The following VWC2 variants were observed in gnomAD, a reference collection of about 807,000 sequenced individuals.
VWC2 encodes the protein von Willebrand factor C domain containing 2.
VWC2 carries 14 observed loss-of-function variants against 29.8 expected under a neutral mutation model. The observed-to-expected ratio is 0.47, with a 90% CI of 0.31 to 0.74. The LOEUF is 0.74. Ranked by LOEUF, VWC2 falls within the 30% of genes least tolerant of loss-of-function variation. The pLI, the probability that VWC2 is intolerant of heterozygous loss-of-function variation, is 0.05. For synonymous variants in VWC2, 213 were observed against 199.0 expected (o/e 1.07, Z -0.59); for missense variants, 457 against 459.8 (o/e 0.99, Z 0.05).
At chr7:49,791,645 G>A (rs1177919289) in intron 2 of VWC2, among the ~76,000 whole-genome samples, 1 of 152,148 alleles carries the variant, frequency 6.6e-6, no homozygotes, top group Admixed American at 6.5e-5. Flanking sequence ...CCATTTTTCT[G>A]AGTGCCCCCT....
intron 3 of VWC2, among the ~76,000 whole-genome samples, chr7:49,909,784 A>G (rs1450907738): frequency 6.6e-6 from 1 of 152,172 alleles, no homozygotes; most frequent in African/African-American, 2.4e-5. Flanking sequence ...ACCTTAGGGC[A>G]GTGTCTGAAC....
At chr7:49,877,307 C>T (rs1163308483) in intron 3 of VWC2, among the ~76,000 whole-genome samples, 1 of 149,862 alleles carries the variant, frequency 6.7e-6, no homozygotes, top group African/African-American at 2.5e-5. Context: ...ACTAAAAATA[C>T]AAAAATTAGC....
At position 49,915,867 on chromosome 7, in the gene VWC2, GC is replaced by G. The variant is rs1793695188; in HGVS notation, c.*3683del. The stretch of plus-strand genomic sequence containing the variant: ...AAGCATCATTGGTAAAAACATACAT[GC>G]TTCTTTGGCCAACATAATTTGTAAC... On this transcript the variant is annotated 3_prime_UTR_variant, in exon 4 of 4. Coordinates refer to ENST00000340652, the MANE Select transcript of VWC2 (RefSeq NM_198570.5). 6.6e-6 allele frequency: 1 copy of G among 152,062 alleles called. No individual in the cohort carries two copies. The highest frequency in any genetic ancestry group is 1.5e-5 in the Non-Finnish European group (1 of 68,016). The allele number at this position is 152,062 out of a possible 1,614,324, so 9.4% of individuals were successfully genotyped here.
Position 49,877,064 on chromosome 7 carries a change from A to G in VWC2, c.827-34970A>G, listed in dbSNP as rs1402369890. On this transcript the variant is annotated intron_variant, in intron 3 of 3. Coordinates refer to ENST00000340652, the MANE Select transcript of VWC2 (RefSeq NM_198570.5). ...CTCCTCCAGATTACAGCTGATGCCC[A>G]AAGAGACTGCAAGGAAAGATGCTGT... is the stretch of plus-strand genomic sequence containing the variant. 6.6e-5 allele frequency among the ~76,000 whole-genome samples: 10 copies of G among 152,262 alleles called. No individual in the cohort carries two copies. The East Asian group carries it at 1.9e-3, about 29-fold the overall frequency.
At chr7:49,858,098 T>C (rs1035284443) in intron 3 of VWC2, among the ~76,000 whole-genome samples, 16 of 152,202 alleles carry the variant, frequency 1.1e-4, no homozygotes, top group African/African-American at 2.9e-4. Flanking sequence ...GTTGAACTAG[T>C]TTACAGTCCC....
intron 3 of VWC2, among the ~76,000 whole-genome samples, chr7:49,880,849 C>T (rs1791632160): frequency 1.3e-5 from 2 of 152,042 alleles, no homozygotes; most frequent in Admixed American, 1.3e-4. Flanking sequence ...TCATTTTTGC[C>T]TATGACATGG....
chr7:49,777,040 A>G (rs1788069912), intron 2 of VWC2, among the ~76,000 whole-genome samples: 1 of 152,230 alleles, frequency 6.6e-6, no homozygotes, highest in East Asian at 1.9e-4. Flanking sequence ...GCTGCACAGC[A>G]TGCATGCACA....
intron 2 of VWC2, among the ~76,000 whole-genome samples, chr7:49,781,112 T>A (rs1257583055): frequency 3.3e-5 from 5 of 152,216 alleles, no homozygotes; most frequent in Non-Finnish European, 7.3e-5. Context: ...AATGAGTCAA[T>A]CTGTGTTCTT....
At chr7:49,851,056 G>A (rs563785934) in intron 3 of VWC2, among the ~76,000 whole-genome samples, 1 of 152,308 alleles carries the variant, frequency 6.6e-6, no homozygotes, top group Admixed American at 6.5e-5. Context: ...GTCCCACAGA[G>A]TCAGTTTCTT....
At chr7:49,793,787 C>G (rs2128704305) in intron 2 of VWC2, among the ~76,000 whole-genome samples, 1 of 152,260 alleles carries the variant, frequency 6.6e-6, no homozygotes, top group African/African-American at 2.4e-5. Flanking sequence ...AAATGGCATG[C>G]ATTTTTTCAC....
chr7:49,808,380 G>A (rs1030701675), intron 3 of VWC2, among the ~76,000 whole-genome samples: 1 of 152,032 alleles, frequency 6.6e-6, no homozygotes, highest in Non-Finnish European at 1.5e-5. Context: ...CAAAATACAT[G>A]AAGTAAAAAT....
At chr7:49,837,183 G>T (rs1450610424) in intron 3 of VWC2, among the ~76,000 whole-genome samples, 1 of 152,136 alleles carries the variant, frequency 6.6e-6, no homozygotes, top group Non-Finnish European at 1.5e-5. Flanking sequence ...TTTAAATTAA[G>T]AATTGCAACT....
rs556669505 is a variant in VWC2 at position 49,918,369 on chromosome 7, A to G, written c.*6184A>G. 4.6e-5 allele frequency: 7 copies of G among 152,204 alleles called. No homozygotes were observed. The South Asian group carries it at 8.3e-4, about 18-fold the overall frequency. 9.4% of individuals were successfully genotyped at this position (152,204 alleles called of 1,614,324 possible). A position where few individuals can be genotyped will look rare whatever the true frequency, so the allele number is the denominator to read the frequency against. The stretch of plus-strand genomic sequence containing the variant: ...AATTTCCAAAATGGTCTTTTACCCC[A>G]CTCCCCATAAATAAGATAATGAATA... On this transcript the variant is annotated 3_prime_UTR_variant, in exon 4 of 4. Coordinates refer to ENST00000340652, the MANE Select transcript of VWC2 (RefSeq NM_198570.5).
At chr7:49,866,186 T>C (rs1231053730) in intron 3 of VWC2, among the ~76,000 whole-genome samples, 1 of 152,164 alleles carries the variant, frequency 6.6e-6, no homozygotes, top group African/African-American at 2.4e-5. Flanking sequence ...CTCACTTGCT[T>C]ATCTTATCAG....
chr7:49,852,360 C>A (rs1034420054), intron 3 of VWC2, among the ~76,000 whole-genome samples: 1 of 152,196 alleles, frequency 6.6e-6, no homozygotes, highest in African/African-American at 2.4e-5. Flanking sequence ...AGAGGCCTGG[C>A]AGGCATGAGC....
At position 49,921,867 on chromosome 7, in the gene VWC2, A is replaced by C. The variant is rs972476442; in HGVS notation, c.*9682A>C. ...CTTAATTTTATGTGGAGTTGAATTT[A>C]AATAATTAGGCCGAATTTGTATGTA... On this transcript the variant is annotated 3_prime_UTR_variant, in exon 4 of 4. Coordinates refer to ENST00000340652, the MANE Select transcript of VWC2 (RefSeq NM_198570.5). 1 of 152,132 alleles carries C rather than the reference A, an allele frequency of 6.6e-6. No homozygotes were observed. Among genetic ancestry groups the C allele is most frequent in the African/African-American group, 2.4e-5 (1 of 41,446 alleles). The allele number at this position is 152,132 out of a possible 1,614,324, so 9.4% of individuals were successfully genotyped here.
At position 49,900,741 on chromosome 7, in the gene VWC2, C is replaced by G. The variant is rs1462995301; in HGVS notation, c.827-11293C>G. 2.6e-5 allele frequency among the ~76,000 whole-genome samples: 4 copies of G among 151,916 alleles called. No individual in the cohort carries two copies. The East Asian group carries it at 7.7e-4, about 29-fold the overall frequency. ...ATTATACCAAACATTTAAGGAAGAA[C>G]TGATATCAATATTTTACAATTTCTT... is the stretch of plus-strand genomic sequence containing the variant. On this transcript the variant is annotated intron_variant, in intron 3 of 3. Coordinates refer to ENST00000340652, the MANE Select transcript of VWC2 (RefSeq NM_198570.5).
chr7:49,901,837 A>C (rs932633051), intron 3 of VWC2, among the ~76,000 whole-genome samples: 3 of 142,950 alleles, frequency 2.1e-5, no homozygotes, highest in Non-Finnish European at 4.5e-5. Flanking sequence ...ATGGAACAGA[A>C]TAGAGAGCCC....
chr7:49,919,622 T>C lies in VWC2; in HGVS notation c.*7437T>C, dbSNP rs1265798030. On this transcript the variant is annotated 3_prime_UTR_variant, in exon 4 of 4. Transcript: ENST00000340652. Reference sequence around the variant, plus strand: ...ATTAATTATAAAAATAATCTACCCATGTTACATAATGTTAAATCTGTAGTT... The same window carrying C: ...ATTAATTATAAAAATAATCTACCCACGTTACATAATGTTAAATCTGTAGTT... 1 of 152,164 alleles carries C rather than the reference T, an allele frequency of 6.6e-6. No homozygotes were observed. The highest frequency in any genetic ancestry group is 1.5e-5 in the Non-Finnish European group (1 of 68,030). 9.4% of individuals were successfully genotyped at this position (152,164 alleles called of 1,614,324 possible).
Sources: allele counts gnomAD v4.1 joint callset (sites outside exome capture counted in the v4.1 genomes callset), GRCh38; gene constraint gnomAD v4.1.1; transcripts MANE v1.5; gene names NCBI Gene and HGNC (gene_info 2026-07-23, HGNC 2026-07-21).